Variants in SCN9A observed in about 807,000 individuals in gnomAD.
SCN9A encodes sodium voltage-gated channel alpha subunit 9, also known as sodium channel protein type 9 subunit alpha.
In SCN9A, 131 loss-of-function variants were observed where a neutral mutation model predicts 187.0. The observed-to-expected ratio is 0.70, with a 90% CI of 0.61 to 0.81. SCN9A has a LOEUF of 0.81. SCN9A is among the 30% of genes least tolerant of loss of function. SCN9A has a pLI of 0.00. For missense variants in SCN9A, 2,252 were observed against 2,396.6 expected, an observed-to-expected ratio of 0.94 and a Z score of 1.26; for synonymous variants, 809 against 808.6, an observed-to-expected ratio of 1.00 and a Z score of -0.01.
At chr2:166,210,024 A>T (rs1287598398) in intron 24 of SCN9A, among the ~76,000 whole-genome samples, 1 of 152,194 alleles carries the variant, frequency 6.6e-6, no homozygotes, top group African/African-American at 2.4e-5. Flanking sequence ...TTATTGCGGC[A>T]CTATTCACAA....
chr2:166,306,242 C>A (rs1291122050), intron 4 of SCN9A, among the ~76,000 whole-genome samples: 2 of 152,090 alleles, frequency 1.3e-5, no homozygotes, highest in Admixed American at 6.6e-5. Flanking sequence ...ATAAAACATA[C>A]ACCCAAGAAT....
chr2:166,245,212 C>A (rs1695735146), intron 18 of SCN9A, among the ~76,000 whole-genome samples: 1 of 151,870 alleles, frequency 6.6e-6, no homozygotes, highest in South Asian at 2.1e-4. Flanking sequence ...AAAAAGCATT[C>A]TTTGAGAAAC....
At chr2:166,207,396 T>G (rs1331206468) in intron 24 of SCN9A, among the ~76,000 whole-genome samples, 2 of 151,812 alleles carry the variant, frequency 1.3e-5, no homozygotes, top group Admixed American at 1.3e-4. Context: ...CACCTAATGG[T>G]AACCAGACTT....
chr2:166,320,262 A>G (rs1699205147), intron 1 of SCN9A, among the ~76,000 whole-genome samples: 1 of 152,148 alleles, frequency 6.6e-6, no homozygotes, highest in African/African-American at 2.4e-5. Flanking sequence ...AATAGTTATT[A>G]TTATGATTAA....
chr2:166,278,418 T>G, intron 14 of SCN9A, 105 bp from the exon 15 acceptor site: 2 of 916,916 alleles, frequency 2.2e-6, no homozygotes, highest in Non-Finnish European at 3.2e-6. Context: ...CCAGACAGTT[T>G]GCTAAATACT....
intron 1 of SCN9A, among the ~76,000 whole-genome samples, chr2:166,313,641 A>T (rs1243918483): frequency 6.6e-6 from 1 of 152,128 alleles, no homozygotes; most frequent in East Asian, 1.9e-4. Context: ...TTCTATCTAG[A>T]TCACTAAAAC....
At chr2:166,360,893 C>T (rs1700268249) in intron 1 of SCN9A, among the ~76,000 whole-genome samples, 1 of 152,104 alleles carries the variant, frequency 6.6e-6, no homozygotes, top group African/African-American at 2.4e-5. Context: ...TATTTGTTAC[C>T]TATGTTTTAT....
chr2:166,363,758 C>G (rs1452726465), intron 1 of SCN9A, among the ~76,000 whole-genome samples: 1 of 151,836 alleles, frequency 6.6e-6, no homozygotes, highest in East Asian at 1.9e-4. Context: ...AAGAAAATAT[C>G]ATAGGGAAAA....
rs200929286 is a variant in SCN9A, at chr2:166,293,212, T to C, written c.1107+19A>G. On this transcript the variant is annotated intron_variant, in intron 9 of 26. Transcript: ENST00000642356. ...ATATGCCATTCAAAAATACAATGCA[T>C]GTTTCTCTTGGTACTCACCTGTTGG... is the stretch of plus-strand genomic sequence containing the variant. The C allele has an allele frequency of 2.5e-6, 4 of 1,569,554 alleles. No homozygotes were observed. The highest frequency in any genetic ancestry group is 3.5e-6 in the Non-Finnish European group (4 of 1,154,910).
intron 17 of SCN9A, among the ~76,000 whole-genome samples, chr2:166,270,916 A>G (rs998202182): frequency 6.6e-6 from 1 of 152,074 alleles, no homozygotes; most frequent in African/African-American, 2.4e-5. Flanking sequence ...TGAGCTAGAG[A>G]AAACAAAAGA....
In SCN9A at chr2:166,281,687, G is replaced by A; in HGVS notation, c.2096C>T (p.Thr699Ile). 6.2e-7 allele frequency: 1 copy of A among 1,612,804 alleles called. No homozygotes were observed. Among genetic ancestry groups the A allele is most frequent in the African/African-American group, 1.3e-5 (1 of 74,976 alleles). ...AMSRASILTN[T>I]VEELEESRQK... The stretch of plus-strand genomic sequence containing the variant: ...AGAAGATTATTACATACCTTCCACA[G>A]TGTTTGTTAATATGCTTGCTCTACT... Residue 699 changes from threonine to isoleucine, a missense_variant, in exon 13 of 27, where the codon ACT becomes ATT. Around this residue, in one of 7 missense-constraint regions of SCN9A, gnomAD observed 1,013 missense variants for 997.4 expected, o/e 1.02. Transcript: ENST00000642356.
At chr2:166,288,363 A>C in intron 10 of SCN9A, 74 bp downstream of exon 10, 8 of 1,156,320 alleles carry the variant, frequency 6.9e-6, no homozygotes, top group Non-Finnish European at 9.9e-6. Flanking sequence ...AAGGCCAAGC[A>C]TATACCGCAG....
rs763423536 is a variant in SCN9A at position 166,233,396 on chromosome 2, G to A, written c.3868C>T (p.Arg1290Trp). ...AGAGGTCTTAAAGCTCTCAGTGTCCGAAGGGATTTAATGGGGCCAAGATCT... is the reference window on the plus strand; with the variant it reads ...AGAGGTCTTAAAGCTCTCAGTGTCCAAAGGGATTTAATGGGGCCAAGATCT... Reference protein sequence around the residue: ...YSDLGPIKSLRTLRALRPLRA... With the variant: ...YSDLGPIKSLWTLRALRPLRA... Residue 1290 changes from arginine (R) to tryptophan (W), a missense_variant, in exon 21 of 27, where the codon CGG becomes TGG. Arg to Trp is a moderately radical substitution (Grantham distance 101, BLOSUM62 -3). This residue lies in a region of SCN9A where 368 missense variants were observed against 408.6 expected (regional missense o/e 0.90). Coordinates refer to ENST00000642356, the MANE Select transcript of SCN9A (RefSeq NM_001365536.1). 3.2e-6 allele frequency: 5 copies of A among 1,581,488 alleles called. No homozygotes were observed. The highest frequency in any genetic ancestry group is 4.3e-6 in the Non-Finnish European group (5 of 1,167,192).
intron 1 of SCN9A, among the ~76,000 whole-genome samples, chr2:166,325,329 T>C (rs1334306084): frequency 6.6e-6 from 1 of 152,104 alleles, no homozygotes; most frequent in Non-Finnish European, 1.5e-5. Context: ...TTTTACACAG[T>C]ACAAAATAGC....
chr2:166,363,501 C>A (rs887506090), intron 1 of SCN9A, among the ~76,000 whole-genome samples: 3 of 151,848 alleles, frequency 2.0e-5, no homozygotes, highest in Admixed American at 2.0e-4. Flanking sequence ...TATATTTATA[C>A]AACAACTCAA....
At position 166,306,527 on chromosome 2, in the gene SCN9A, G is replaced by T. The variant is rs1559030500; in HGVS notation, c.450C>A (p.Asp150Glu). 6.4e-7 allele frequency: 1 copy of T among 1,568,416 alleles called. No homozygotes were observed. Among genetic ancestry groups the T allele is most frequent in the Non-Finnish European group, 8.7e-7 (1 of 1,150,980 alleles). ...CIFMTMNNPPDWTKNVEYTFT... is the reference protein window; with the variant it reads ...CIFMTMNNPPEWTKNVEYTFT... ...CCACTTACTCGACATTTTTGGTCCA[G>T]TCCGGTGGGTTATTCATGGTCATAA... is the stretch of plus-strand genomic sequence containing the variant. The change falls in exon 4 of 27, where the codon GAC becomes GAA. Residue 150 changes from aspartate (D) to glutamate (E), a missense_variant. By Grantham distance (45) the Asp-to-Glu change is conservative. Coordinates refer to ENST00000642356, the MANE Select transcript of SCN9A (RefSeq NM_001365536.1).
chr2:166,309,106 A>G (rs192433693), intron 2 of SCN9A, among the ~76,000 whole-genome samples: 1 of 152,036 alleles, frequency 6.6e-6, no homozygotes, highest in Non-Finnish European at 1.5e-5. Flanking sequence ...ATACAGAAAA[A>G]TATAAAGGGG....
intron 18 of SCN9A, among the ~76,000 whole-genome samples, chr2:166,248,777 G>A (rs1375064938): frequency 2.0e-5 from 3 of 151,840 alleles, no homozygotes; most frequent in East Asian, 1.9e-4. Flanking sequence ...AGTAATTCTC[G>A]TGCCTCAGCC....
At position 166,274,743 on chromosome 2, in the gene SCN9A, A is replaced by G. The variant is rs544936586; in HGVS notation, c.2875-1868T>C. 3.9e-5 allele frequency among the ~76,000 whole-genome samples: 6 copies of G among 152,280 alleles called. No individual in the cohort carries two copies. In the South Asian group the frequency reaches 1.0e-3, roughly 26 times the overall value. On this transcript the variant is annotated intron_variant, in intron 16 of 26. Transcript: ENST00000642356. ...ATTCTACACGAATGAAACACTCACCAATATATCCCCTCTGTTTTTTACTAT... is the reference window on the plus strand; with the variant it reads ...ATTCTACACGAATGAAACACTCACCGATATATCCCCTCTGTTTTTTACTAT...
Sources: allele counts gnomAD v4.1 joint callset (sites outside exome capture counted in the v4.1 genomes callset), GRCh38; gene constraint gnomAD v4.1.1; regional missense constraint gnomAD v4.1.1; transcripts MANE v1.5; gene names NCBI Gene and HGNC (gene_info 2026-07-23, HGNC 2026-07-21).